The following GRAMD1B variants were observed in gnomAD, a reference collection of about 807,000 sequenced individuals.
GRAMD1B encodes protein Aster-B.
Under a neutral mutation model 99.7 loss-of-function variants are expected in GRAMD1B, and 37 were observed. That is an observed-to-expected ratio of 0.37 (90% CI 0.29 to 0.49). The LOEUF (loss-of-function observed/expected upper bound fraction) is 0.49. GRAMD1B is among the 20% of genes least tolerant of loss of function. The probability of loss-of-function intolerance (pLI) is 0.98; values close to 1 mark genes in which losing one functional copy is unlikely to be tolerated. For synonymous variants in GRAMD1B, 427 were observed against 387.6 expected, an observed-to-expected ratio of 1.10 and a Z score of -1.19; for missense variants, 888 against 1,009.2, an observed-to-expected ratio of 0.88 and a Z score of 1.63.
intron 2 of GRAMD1B, among the ~76,000 whole-genome samples, chr11:123,537,530 T>C (rs536932430): frequency 6.6e-6 from 1 of 152,342 alleles, no homozygotes; most frequent in Non-Finnish European, 1.5e-5. Flanking sequence ...TTGCACATTA[T>C]TTTCCTCAGG....
At chr11:123,561,644 C>T (rs1446722744) in intron 2 of GRAMD1B, among the ~76,000 whole-genome samples, 1 of 152,234 alleles carries the variant, frequency 6.6e-6, no homozygotes, top group Non-Finnish European at 1.5e-5. Flanking sequence ...TCAGGCAGGG[C>T]TAGAGAAAGC....
At chr11:123,585,035 G>T (rs1555086414) in intron 4 of GRAMD1B, among the ~76,000 whole-genome samples, 3 of 152,214 alleles carry the variant, frequency 2.0e-5, no homozygotes, top group Non-Finnish European at 4.4e-5. Flanking sequence ...CTCTCAGCTG[G>T]CCCCCGCCGT....
chr11:123,461,821 G>T (rs1950427162), intron 1 of GRAMD1B, among the ~76,000 whole-genome samples: 1 of 151,972 alleles, frequency 6.6e-6, no homozygotes, highest in East Asian at 1.9e-4. Context: ...GGCCAGGCTG[G>T]TCTCAAACTC....
At chr11:123,431,240 T>C (rs1948872255) in intron 1 of GRAMD1B, 74 bp downstream of exon 1, 1 of 615,992 alleles carries the variant, frequency 1.6e-6, no homozygotes, top group African/African-American at 1.8e-5. Flanking sequence ...CCCGGGGCAT[T>C]CTGGGGGAAA....
intron 1 of GRAMD1B, among the ~76,000 whole-genome samples, chr11:123,366,347 A>G (rs1239670161): frequency 1.3e-5 from 2 of 152,258 alleles, no homozygotes; most frequent in East Asian, 1.9e-4. Context: ...TGATGAGGCT[A>G]GAGGACTTAT....
At chr11:123,570,747 C>T (rs1339048771) in intron 2 of GRAMD1B, among the ~76,000 whole-genome samples, 2 of 152,182 alleles carry the variant, frequency 1.3e-5, no homozygotes, top group Non-Finnish European at 1.5e-5. Context: ...ATAATACCAG[C>T]AGCTCAAAAA....
chr11:123,467,210 T>G (rs1364501880), intron 1 of GRAMD1B, among the ~76,000 whole-genome samples: 1 of 152,130 alleles, frequency 6.6e-6, no homozygotes, highest in Non-Finnish European at 1.5e-5. Context: ...AGGCTGGGTG[T>G]GGTGGCTTTC....
In GRAMD1B at chr11:123,486,392, A is replaced by G. The variant is rs548191594; in HGVS notation, c.452+5499A>G. 3.3e-5 allele frequency among the ~76,000 whole-genome samples: 5 copies of G among 152,100 alleles called. No individual in the cohort carries two copies. In the South Asian group the frequency reaches 1.0e-3, roughly 32 times the overall value. On this transcript the variant is annotated intron_variant, in intron 2 of 19. Coordinates refer to ENST00000635736, the MANE Select transcript of GRAMD1B (RefSeq NM_001387025.1). ...GCAAAAGCCCGTCTTTATCAAAACTACAAAAAATTAGCCGGGCATGGTGGC... is the reference window on the plus strand; with the variant it reads ...GCAAAAGCCCGTCTTTATCAAAACTGCAAAAAATTAGCCGGGCATGGTGGC...
At chr11:123,481,567 A>G (rs1951610862) in intron 2 of GRAMD1B, among the ~76,000 whole-genome samples, 1 of 152,190 alleles carries the variant, frequency 6.6e-6, no homozygotes, top group Non-Finnish European at 1.5e-5. Context: ...TGCCTGAGGA[A>G]GCTGCATAGC....
In GRAMD1B at chr11:123,380,451, G is replaced by C. The variant is rs369348969; in HGVS notation, c.-176+21652G>C. Among the ~76,000 whole-genome samples, 5 of 152,216 alleles carry C rather than the reference G, an allele frequency of 3.3e-5. No homozygotes were observed. The East Asian group carries it at 9.6e-4, about 29-fold the overall frequency. On this transcript the variant is annotated intron_variant, in intron 1 of 20. Coordinates refer to the GRAMD1B transcript ENST00000638157. ...TTTAGCAGAGTCCTTCCTTGCAAGT[G>C]ACCCAAAAGGTTGCAGTTTTATAAG...
At chr11:123,376,624 A>G (rs896946113) in intron 1 of GRAMD1B, among the ~76,000 whole-genome samples, 1 of 152,210 alleles carries the variant, frequency 6.6e-6, no homozygotes, top group Non-Finnish European at 1.5e-5. Context: ...AGTTCCATCT[A>G]TCCCTAAGGA....
At chr11:123,423,104 T>C (rs115219537) in intron 1 of GRAMD1B, among the ~76,000 whole-genome samples, 1 of 152,116 alleles carries the variant, frequency 6.6e-6, no homozygotes, top group Non-Finnish European at 1.5e-5. Flanking sequence ...TAAATACTTT[T>C]TGATTGATTT....
intron 1 of GRAMD1B, among the ~76,000 whole-genome samples, chr11:123,479,468 C>A (rs538774606): frequency 2.6e-5 from 4 of 152,120 alleles, no homozygotes; most frequent in Non-Finnish European, 5.9e-5. Flanking sequence ...GTGCAGCAGG[C>A]GATCCACCAG....
intron 2 of GRAMD1B, among the ~76,000 whole-genome samples, chr11:123,499,887 G>A (rs3016473): frequency 0.12 from 18,100 of 152,252 alleles, 1,286 homozygotes; most frequent in Middle Eastern, 0.18. Flanking sequence ...TCCACTACAC[G>A]CTTGCTGTGG....
At chr11:123,402,008 G>A (rs986125647) in intron 1 of GRAMD1B, among the ~76,000 whole-genome samples, 5 of 152,308 alleles carry the variant, frequency 3.3e-5, no homozygotes, top group East Asian at 1.9e-4. Flanking sequence ...GAAGCTACCC[G>A]CTCTGCATCC....
chr11:123,471,420 A>G (rs1951010578), intron 1 of GRAMD1B, among the ~76,000 whole-genome samples: 2 of 152,192 alleles, frequency 1.3e-5, no homozygotes, highest in African/African-American at 2.4e-5. Context: ...GTAATTTTAA[A>G]TGAGTGTCTG....
chr11:123,503,575 TTCAC>T (rs372920867), intron 2 of GRAMD1B, among the ~76,000 whole-genome samples: 125 of 152,128 alleles, frequency 8.2e-4, no homozygotes, highest in African/African-American at 2.9e-3. Context: ...GTGATGGAGT[TTCAC>T]TCTGTCACCC....
chr11:123,507,850 T>C (rs963656802), intron 2 of GRAMD1B, among the ~76,000 whole-genome samples: 1 of 152,194 alleles, frequency 6.6e-6, no homozygotes, highest in Non-Finnish European at 1.5e-5. Flanking sequence ...GGAGCAGGAC[T>C]TGGGTGCAGA....
chr11:123,598,368 T>C (rs1951543294), intron 7 of GRAMD1B: 2 of 1,032,710 alleles, frequency 1.9e-6, no homozygotes, highest in East Asian at 2.4e-5. Context: ...ACTGATTTGC[T>C]CTTTTTCGTC....
Sources: gnomAD v4.1 joint callset for allele counts (sites outside exome capture counted in the v4.1 genomes callset) on GRCh38, gnomAD v4.1.1 for gene constraint, MANE v1.5 for transcripts, NCBI Gene and HGNC (gene_info 2026-07-23, HGNC 2026-07-21) for gene names.